RGS7: variants seen among roughly 807,000 people sequenced by gnomAD.
RGS7 encodes regulator of G protein signaling 7.
Under a neutral mutation model 81.1 loss-of-function variants are expected in RGS7, and 27 were observed. The ratio of observed to expected loss-of-function variants is 0.33; its 90% CI spans 0.25 to 0.46. RGS7 has a LOEUF of 0.46. Ranked by LOEUF, RGS7 falls within the 20% of genes least tolerant of loss-of-function variation. The probability of loss-of-function intolerance (pLI) is 1.00; values close to 1 mark genes in which losing one functional copy is unlikely to be tolerated. For missense variants in RGS7, 396 were observed against 607.4 expected, an observed-to-expected ratio of 0.65 and a Z score of 3.66; for synonymous variants, 208 against 207.7, an observed-to-expected ratio of 1.00 and a Z score of -0.01.
chr1:241,298,021 T>G (rs2079527716), intron 2 of RGS7, among the ~76,000 whole-genome samples: 1 of 152,178 alleles, frequency 6.6e-6, no homozygotes, highest in Non-Finnish European at 1.5e-5. Context: ...TATTAATACT[T>G]TTTTTAAAAG....
intron 11 of RGS7, 28 bp from the exon 12 acceptor site, chr1:240,814,805 C>G (rs759019531): frequency 2.2e-6 from 3 of 1,374,562 alleles, no homozygotes; most frequent in Non-Finnish European, 3.1e-6. Flanking sequence ...GAAGGAGTTA[C>G]ATAAGTAATG....
chr1:240,896,069 G>T (rs1421490430), intron 6 of RGS7, among the ~76,000 whole-genome samples: 1 of 152,122 alleles, frequency 6.6e-6, no homozygotes, highest in Admixed American at 6.6e-5. Context: ...GTGTCTTTTG[G>T]CTGCATAAAT....
intron 2 of RGS7, among the ~76,000 whole-genome samples, chr1:241,269,365 T>A (rs1184479402): frequency 6.6e-6 from 1 of 152,180 alleles, no homozygotes; most frequent in African/African-American, 2.4e-5. Context: ...CAAGTAAAAA[T>A]AAACCTGGAA....
At chr1:241,087,145 T>C (rs1461310431) in intron 3 of RGS7, among the ~76,000 whole-genome samples, 1 of 152,204 alleles carries the variant, frequency 6.6e-6, no homozygotes, top group Non-Finnish European at 1.5e-5. Context: ...AGTAGGCTCC[T>C]GAACGATGTT....
intron 2 of RGS7, among the ~76,000 whole-genome samples, chr1:241,171,129 C>T (rs185784339): frequency 1.2e-3 from 186 of 152,188 alleles, no homozygotes; most frequent in African/African-American, 3.9e-3. Context: ...CTATTTAAAA[C>T]GGAAAGAAAC....
chr1:240,776,820 C>T (rs1224421312), intron 18 of RGS7, among the ~76,000 whole-genome samples: 1 of 152,158 alleles, frequency 6.6e-6, no homozygotes, highest in African/African-American at 2.4e-5. Context: ...TACTTGTTCC[C>T]TGTTTCTAGC....
intron 2 of RGS7, among the ~76,000 whole-genome samples, chr1:241,288,646 A>C (rs1228678479): frequency 6.6e-6 from 1 of 152,160 alleles, no homozygotes; most frequent in African/African-American, 2.4e-5. Flanking sequence ...CTGGAAGCAA[A>C]AGTAAGGGAG....
At chr1:241,008,119 G>GACAA (rs145524565) in intron 3 of RGS7, among the ~76,000 whole-genome samples, 1 of 151,506 alleles carries the variant, frequency 6.6e-6, no homozygotes, top group East Asian at 1.9e-4. Context: ...GGCAACAAAA[G>GACAA]ACAAACAAAC....
At position 240,868,850 on chromosome 1, in the gene RGS7, C is replaced by T; in HGVS notation, c.453G>A (p.Glu151=). 6.2e-7 allele frequency: 1 copy of T among 1,613,908 alleles called. No homozygotes were observed. The change falls in exon 8 of 19, where the codon GAG becomes GAA. Residue 151 remains glutamate, a splice_region_variant and synonymous_variant. Transcript: ENST00000440928. The surrounding 1 kb of genome is among the most constrained non-coding windows in gnomAD (Gnocchi z 5.1). Reference sequence around the variant, plus strand: ...ATGCTCTCTGCAGCCTGGCCAGGCTCTCCTGAAAAACATACCCCAGGTGAA... The same window carrying T: ...ATGCTCTCTGCAGCCTGGCCAGGCTTTCCTGAAAAACATACCCCAGGTGAA... ...ARLELADYEA[E]SLARLQRAFA... is the part of the protein sequence containing the mutation.
At chr1:241,263,225 C>T (rs1225312422) in intron 2 of RGS7, among the ~76,000 whole-genome samples, 4 of 151,934 alleles carry the variant, frequency 2.6e-5, no homozygotes, top group East Asian at 3.9e-4. Context: ...TGCAGTGACC[C>T]GAGATCTCGC....
intron 2 of RGS7, among the ~76,000 whole-genome samples, chr1:241,247,407 T>C (rs1179353959): frequency 1.3e-5 from 2 of 152,142 alleles, no homozygotes; most frequent in Admixed American, 6.5e-5. Context: ...ATTTGGTTGA[T>C]GAAGGGGGCC....
At chr1:241,150,099 G>A (rs769046021) in intron 2 of RGS7, among the ~76,000 whole-genome samples, 3 of 152,132 alleles carry the variant, frequency 2.0e-5, no homozygotes, top group Non-Finnish European at 4.4e-5. Flanking sequence ...CACAGACCAA[G>A]GGTACAATGC....
intron 6 of RGS7, among the ~76,000 whole-genome samples, chr1:240,889,030 A>T (rs1454134337): frequency 6.6e-6 from 1 of 152,160 alleles, no homozygotes; most frequent in Non-Finnish European, 1.5e-5. Flanking sequence ...ATCGCGGCTC[A>T]CTGCAACCTC....
chr1:241,042,651 C>T (rs1332255623), intron 3 of RGS7, among the ~76,000 whole-genome samples: 4 of 151,890 alleles, frequency 2.6e-5, no homozygotes, highest in South Asian at 2.1e-4. Context: ...TTGGCCGGGC[C>T]GGGCTTGGCC....
intron 2 of RGS7, among the ~76,000 whole-genome samples, chr1:241,261,324 C>T (rs80251369): frequency 0.029 from 4,479 of 152,126 alleles, 86 homozygotes; most frequent in Middle Eastern, 0.054. Context: ...GCTCTAGTTT[C>T]AGCTCTTGCT....
At chr1:241,043,835 G>T (rs2148778204) in intron 3 of RGS7, among the ~76,000 whole-genome samples, 1 of 151,824 alleles carries the variant, frequency 6.6e-6, no homozygotes, top group Non-Finnish European at 1.5e-5. Flanking sequence ...ATGTGTGTAG[G>T]TTATCCACAT....
At chr1:240,796,465 C>T (rs1687080014) in intron 18 of RGS7, among the ~76,000 whole-genome samples, 1 of 152,106 alleles carries the variant, frequency 6.6e-6, no homozygotes, top group Admixed American at 6.6e-5. Flanking sequence ...GTGGGCAGAT[C>T]ACTTGAGGTC....
Position 241,235,657 on chromosome 1 carries a change from T to A in RGS7, c.78+120042A>T, listed in dbSNP as rs1342583133. ...TTTTTCTTTTTTCTCATTCTCTCTT[T>A]CTTTCTCTTTCTCTCTCTCTTTCTT... On this transcript the variant is annotated intron_variant, in intron 2 of 18. Coordinates refer to ENST00000440928, the MANE Select transcript of RGS7 (RefSeq NM_001364886.1). Among the ~76,000 whole-genome samples, 6 of 143,804 alleles carry A rather than the reference T, an allele frequency of 4.2e-5. No individual in the cohort carries two copies. In the East Asian group the frequency reaches 1.2e-3, roughly 29 times the overall value. 94.3% of individuals were successfully genotyped at this position (143,804 alleles called of 152,430 possible). A position where few individuals can be genotyped will look rare whatever the true frequency, so the allele number is the denominator to read the frequency against.
At chr1:241,353,813 G>C (rs1050094155) in intron 2 of RGS7, among the ~76,000 whole-genome samples, 1 of 152,058 alleles carries the variant, frequency 6.6e-6, no homozygotes, top group East Asian at 1.9e-4. Context: ...ATGGCGATTC[G>C]ATGCTATACA....
Sources: allele counts gnomAD v4.1 joint callset (sites outside exome capture counted in the v4.1 genomes callset), GRCh38; gene constraint gnomAD v4.1.1; non-coding constraint Gnocchi (gnomAD v3.1); transcripts MANE v1.5; gene names NCBI Gene and HGNC (gene_info 2026-07-23, HGNC 2026-07-21).